The following VMP1 variants were observed in gnomAD, a reference collection of about 807,000 sequenced individuals.
VMP1 encodes ectopic P-granules autophagy protein 3 homolog.
In VMP1, 11 loss-of-function variants were observed where a neutral mutation model predicts 56.0. The ratio of observed to expected loss-of-function variants is 0.20; its 90% confidence interval spans 0.12 to 0.32. VMP1 has a LOEUF of 0.32. Ranked by LOEUF, VMP1 falls within the 10% of genes least tolerant of loss-of-function variation. VMP1 has a pLI of 1.00. For synonymous variants in VMP1, 149 were observed against 165.0 expected (o/e 0.90, Z 0.74); for missense variants, 296 against 490.3 (o/e 0.60, Z 3.74).
chr17:59,765,263 C>A, intron 6 of VMP1, 125 bp downstream of exon 6: 1 of 1,148,866 alleles, frequency 8.7e-7, no homozygotes, highest in Non-Finnish European at 1.2e-6. Context: ...AACCAGCTAC[C>A]TACTTCCAAG....
At chr17:59,768,927 C>T (rs1380030090) in intron 6 of VMP1, among the ~76,000 whole-genome samples, 1 of 151,918 alleles carries the variant, frequency 6.6e-6, no homozygotes, top group Admixed American at 6.6e-5. Context: ...TCAAGACCAG[C>T]CTGGCCAACG....
rs978652336 is a variant in VMP1 at position 59,802,351 on chromosome 17, T to A, written c.715-6445T>A. Among the ~76,000 whole-genome samples the A allele has an allele frequency of 4.2e-4, 63 of 150,644 alleles. 1 individual carries two copies. Among genetic ancestry groups the A allele is most frequent in the Admixed American group, 3.3e-3 (49 of 14,836 alleles). On this transcript the variant is annotated intron_variant, in intron 7 of 11. Coordinates refer to ENST00000262291, the MANE Select transcript of VMP1 (RefSeq NM_030938.5). ...GTAGCTATACTAGATAGCCTAAGTG[T>A]GTAGTAGGCTATATAACATCTAGGT...
intron 1 of VMP1, among the ~76,000 whole-genome samples, chr17:59,716,746 TTACA>T (rs1430280436): frequency 1.3e-5 from 2 of 151,970 alleles, no homozygotes; most frequent in Non-Finnish European, 2.9e-5. Context: ...GTAGTTGTTA[TTACA>T]TACATCCAAA....
chr17:59,723,664 G>C (rs1194304731), intron 1 of VMP1, among the ~76,000 whole-genome samples: 1 of 152,166 alleles, frequency 6.6e-6, no homozygotes, highest in Non-Finnish European at 1.5e-5. Context: ...AATGAAAAAT[G>C]GGAAATACTG....
chr17:59,721,066 C>T (rs1037220369), intron 1 of VMP1, among the ~76,000 whole-genome samples: 1 of 151,894 alleles, frequency 6.6e-6, no homozygotes, highest in Non-Finnish European at 1.5e-5. Flanking sequence ...GGGATGGGGG[C>T]CGGGCGCGGT....
chr17:59,709,762 C>T (rs1366418132), intron 1 of VMP1, among the ~76,000 whole-genome samples: 1 of 152,064 alleles, frequency 6.6e-6, no homozygotes, highest in Admixed American at 6.6e-5. Flanking sequence ...GTTTTGCATT[C>T]GGGAGTTTAA....
intron 1 of VMP1, among the ~76,000 whole-genome samples, chr17:59,726,419 G>A (rs1296323592): frequency 6.6e-6 from 1 of 151,604 alleles, no homozygotes; most frequent in African/African-American, 2.4e-5. Context: ...TCAGCCTCCC[G>A]AGTAGCTGGG....
chr17:59,822,543 T>G (rs984809822), intron 10 of VMP1, among the ~76,000 whole-genome samples: 12 of 151,878 alleles, frequency 7.9e-5, no homozygotes, highest in African/African-American at 2.9e-4. Context: ...CACGCTGGTC[T>G]TGAACTCCTG....
At chr17:59,773,311 G>C (rs1268825188) in intron 6 of VMP1, among the ~76,000 whole-genome samples, 1 of 151,624 alleles carries the variant, frequency 6.6e-6, no homozygotes, top group Non-Finnish European at 1.5e-5. Flanking sequence ...CGGTGGGGGG[G>C]GGCAAATGAT....
intron 10 of VMP1, among the ~76,000 whole-genome samples, chr17:59,825,655 GAA>G (rs2038623918): frequency 6.6e-6 from 1 of 152,194 alleles, no homozygotes; most frequent in South Asian, 2.1e-4. Context: ...TACCACACAA[GAA>G]AAGTTTCCAT....
At chr17:59,769,732 G>A (rs1008691382) in intron 6 of VMP1, among the ~76,000 whole-genome samples, 2 of 152,114 alleles carry the variant, frequency 1.3e-5, no homozygotes, top group African/African-American at 4.8e-5. Context: ...TTATTTTGCA[G>A]TAAGGAAGCC....
chr17:59,752,134 A>C (rs2035677927), intron 5 of VMP1, among the ~76,000 whole-genome samples: 1 of 152,216 alleles, frequency 6.6e-6, no homozygotes, highest in South Asian at 2.1e-4. Context: ...GTAAAGGATC[A>C]GATCCGTAGC....
chr17:59,817,267 A>G (rs2038273793), intron 9 of VMP1, among the ~76,000 whole-genome samples: 1 of 122,668 alleles, frequency 8.2e-6, no homozygotes. Context: ...GGGCAATAAG[A>G]GTGAAACTCT....
At chr17:59,708,607 T>G (rs2033782059) in intron 1 of VMP1, among the ~76,000 whole-genome samples, 1 of 152,248 alleles carries the variant, frequency 6.6e-6, no homozygotes, top group Admixed American at 6.5e-5. Flanking sequence ...ATTTCTACTT[T>G]GGGGCTTGTC....
chr17:59,777,074 A>AT (rs1348992601), intron 7 of VMP1, among the ~76,000 whole-genome samples: 1 of 151,844 alleles, frequency 6.6e-6, no homozygotes, highest in African/African-American at 2.4e-5. Flanking sequence ...TATCAATTCC[A>AT]TTTTTTTTCA....
chr17:59,722,411 A>G (rs2034435928), intron 1 of VMP1, among the ~76,000 whole-genome samples: 1 of 152,142 alleles, frequency 6.6e-6, no homozygotes, highest in African/African-American at 2.4e-5. Flanking sequence ...CTTCTCTTTT[A>G]TCATAAAACC....
intron 10 of VMP1, among the ~76,000 whole-genome samples, chr17:59,829,909 AT>A (rs1233314192): frequency 1.3e-5 from 2 of 152,192 alleles, no homozygotes; most frequent in African/African-American, 2.4e-5. Context: ...ATCATTTTCT[AT>A]ATAGGAGTCT....
At chr17:59,739,575 T>G (rs1048913635) in intron 5 of VMP1, among the ~76,000 whole-genome samples, 3 of 143,018 alleles carry the variant, frequency 2.1e-5, no homozygotes, top group African/African-American at 7.8e-5. Flanking sequence ...ATACAAAAAA[T>G]TAGCCGGACG....
chr17:59,710,431 T>A (rs2033872050), intron 1 of VMP1, among the ~76,000 whole-genome samples: 1 of 152,180 alleles, frequency 6.6e-6, no homozygotes, highest in Non-Finnish European at 1.5e-5. Context: ...GGCATCTTAT[T>A]ATGGTTTGGT....
Sources: allele counts gnomAD v4.1 joint callset (sites outside exome capture counted in the v4.1 genomes callset), GRCh38; gene constraint gnomAD v4.1.1; transcripts MANE v1.5; gene names NCBI Gene and HGNC (gene_info 2026-07-23, HGNC 2026-07-21).